Variants in PPP2R5C observed in about 807,000 individuals in gnomAD.
PPP2R5C encodes the protein serine/threonine-protein phosphatase 2A 56 kDa regulatory subunit gamma isoform.
In PPP2R5C, 7 loss-of-function variants were observed where a neutral mutation model predicts 68.9. That is an observed-to-expected ratio of 0.10 (90% CI 0.06 to 0.19). The LOEUF (loss-of-function observed/expected upper bound fraction) is 0.19, where lower values mean the gene tolerates loss of function less well. Ranked by LOEUF, PPP2R5C falls within the 10% of genes least tolerant of loss-of-function variation. PPP2R5C has a pLI of 1.00. For synonymous variants in PPP2R5C, 210 were observed against 222.2 expected, an observed-to-expected ratio of 0.95 and a Z score of 0.49; for missense variants, 348 against 641.3, an observed-to-expected ratio of 0.54 and a Z score of 4.94.
At chr14:101,850,693 G>A (rs1164688427) in intron 1 of PPP2R5C, among the ~76,000 whole-genome samples, 2 of 152,154 alleles carry the variant, frequency 1.3e-5, no homozygotes, top group Admixed American at 1.3e-4. Flanking sequence ...TGAGGCAGTG[G>A]CCAAGAAGAG....
intron 1 of PPP2R5C, among the ~76,000 whole-genome samples, chr14:101,845,357 T>G (rs1241729452): frequency 6.6e-6 from 1 of 152,156 alleles, no homozygotes; most frequent in Non-Finnish European, 1.5e-5. Flanking sequence ...TATGACTCCC[T>G]TTACTGAAAA....
chr14:101,776,138 C>T (rs1013359032), intron 2 of PPP2R5C, among the ~76,000 whole-genome samples: 4 of 151,834 alleles, frequency 2.6e-5, no homozygotes, highest in African/African-American at 9.7e-5. Flanking sequence ...CTGGGACCAC[C>T]GACTTTCAGT....
chr14:101,816,925 AT>A (rs2039746794), intron 1 of PPP2R5C, among the ~76,000 whole-genome samples: 2 of 140,374 alleles, frequency 1.4e-5, no homozygotes, highest in South Asian at 2.1e-4. Flanking sequence ...ATATATTTAT[AT>A]AATATATATA....
chr14:101,831,709 T>C (rs1187353662), intron 1 of PPP2R5C: 2 of 695,004 alleles, frequency 2.9e-6, no homozygotes, highest in African/African-American at 1.7e-5. Context: ...AGATTGCAAA[T>C]GCACAAGATT....
chr14:101,893,980 C>T (rs866439027), intron 7 of PPP2R5C, among the ~76,000 whole-genome samples: 1 of 152,250 alleles, frequency 6.6e-6, no homozygotes, highest in Non-Finnish European at 1.5e-5. Context: ...GTGCACAAGG[C>T]TCCTCTCTGC....
intron 2 of PPP2R5C, among the ~76,000 whole-genome samples, chr14:101,784,236 A>G (rs937854238): frequency 2.6e-5 from 4 of 152,178 alleles, no homozygotes; most frequent in Non-Finnish European, 1.5e-5. Context: ...TCATTCAAGG[A>G]TGAGAACAAA....
intron 5 of PPP2R5C, among the ~76,000 whole-genome samples, chr14:101,885,858 G>A (rs1368867914): frequency 6.6e-6 from 1 of 152,154 alleles, no homozygotes; most frequent in East Asian, 1.9e-4. Flanking sequence ...ACATACAACA[G>A]GTACAATTTA....
upstream of PPP2R5C, chr14:101,761,706 GCC>G: frequency 1.9e-6 from 1 of 517,120 alleles, no homozygotes; most frequent in Non-Finnish European, 2.5e-6. Flanking sequence ...CGCCGCCGCC[GCC>G]GCCGCCGTGG....
At chr14:101,878,417 G>T (rs888259526) in intron 2 of PPP2R5C, among the ~76,000 whole-genome samples, 3 of 152,178 alleles carry the variant, frequency 2.0e-5, no homozygotes, top group Non-Finnish European at 4.4e-5. Context: ...TTTGAGACGG[G>T]GCCTAGCTGC....
In PPP2R5C at chr14:101,825,914, A is replaced by C. The variant is rs1472456857; in HGVS notation, c.94+15878A>C. Among the ~76,000 whole-genome samples the C allele has an allele frequency of 6.6e-6, 1 of 151,810 alleles. No homozygotes were observed. The highest frequency in any genetic ancestry group is 1.5e-5 in the Non-Finnish European group (1 of 67,904). On this transcript the variant is annotated intron_variant, in intron 1 of 13. Coordinates refer to ENST00000334743, the Ensembl canonical transcript of PPP2R5C. The surrounding 1 kb of genome is among the most constrained non-coding windows in gnomAD (Gnocchi z 4.0). ...GGAGGCCTCTAGAGAATTGAGGGGG[A>C]ACAATAAGTGACAAGCATGAAGAAT...
At chr14:101,890,207 T>C (rs2044779162) in intron 5 of PPP2R5C, 30 bp from the exon 8 acceptor site, 4 of 1,589,130 alleles carry the variant, frequency 2.5e-6, no homozygotes, top group Non-Finnish European at 3.5e-6. Context: ...GTTCAGTGTC[T>C]AATTCTAATG....
chr14:101,808,169 C>G (rs570537628), upstream of PPP2R5C, among the ~76,000 whole-genome samples: 1 of 151,350 alleles, frequency 6.6e-6, no homozygotes, highest in Non-Finnish European at 1.5e-5. Context: ...CGTTGGTGAT[C>G]GGTGGCCATC....
At chr14:101,763,058 T>C (rs942077561) in intron 2 of PPP2R5C, 88 bp downstream of exon 2, 2 of 1,174,308 alleles carry the variant, frequency 1.7e-6, no homozygotes, top group African/African-American at 3.1e-5. Context: ...CCTAGAATCT[T>C]CTAAAATGTT....
At chr14:101,912,242 T>C (rs1281411816) in intron 11 of PPP2R5C, among the ~76,000 whole-genome samples, 159 bp from the exon 14 acceptor site, 1 of 152,206 alleles carries the variant, frequency 6.6e-6, no homozygotes, top group African/African-American at 2.4e-5. Flanking sequence ...TCTCAGTTCG[T>C]TTTTCATGCT....
intron 2 of PPP2R5C, among the ~76,000 whole-genome samples, chr14:101,875,753 G>T (rs2043726759): frequency 6.6e-6 from 1 of 152,172 alleles, no homozygotes; most frequent in Admixed American, 6.5e-5. Flanking sequence ...TAAGTTCATT[G>T]AGTTCATCAA....
intron 1 of PPP2R5C, chr14:101,819,193 T>A: frequency 1.0e-6 from 1 of 992,400 alleles, no homozygotes; most frequent in Non-Finnish European, 1.5e-6. Context: ...CAGCTTTATG[T>A]AATTGGTCAG....
At chr14:101,765,158 A>G (rs911971159) in intron 2 of PPP2R5C, 13 of 702,610 alleles carry the variant, frequency 1.9e-5, no homozygotes, top group South Asian at 5.9e-5. Flanking sequence ...TTCTAGTGCT[A>G]CTGTCTAAGA....
At chr14:101,810,874 T>C (rs1263694367) in intron 1 of PPP2R5C, among the ~76,000 whole-genome samples, 1 of 152,234 alleles carries the variant, frequency 6.6e-6, no homozygotes, top group East Asian at 1.9e-4. Flanking sequence ...TTATTCTTGG[T>C]ATTTTAAGAT....
chr14:101,894,461 A>G (rs774968225), intron 7 of PPP2R5C, 46 bp from the exon 10 acceptor site: 1 of 1,576,278 alleles, frequency 6.3e-7, no homozygotes, highest in Non-Finnish European at 8.7e-7. Context: ...GCACAGCAGC[A>G]TTTTTATGTT....
Sources: allele counts gnomAD v4.1 joint callset (sites outside exome capture counted in the v4.1 genomes callset), GRCh38; gene constraint gnomAD v4.1.1; non-coding constraint Gnocchi (gnomAD v3.1); transcripts MANE v1.5; gene names NCBI Gene and HGNC (gene_info 2026-07-23, HGNC 2026-07-21).